Variants in LYPLAL1 observed in about 807,000 individuals in gnomAD.
The protein encoded by LYPLAL1 is lysophospholipase like 1, also known as lysophospholipase-like protein 1.
A neutral mutation model predicts 19.7 loss-of-function variants in LYPLAL1; 23 were observed. The observed-to-expected ratio is 1.17, with a 90% CI of 0.84 to 1.65. The LOEUF is 1.65. Among genes scored for constraint, LYPLAL1 ranks in the 40% most tolerant of loss-of-function variants. The pLI, the probability that LYPLAL1 is intolerant of heterozygous loss-of-function variation, is 0.00. For synonymous variants in LYPLAL1, 119 were observed against 96.3 expected, an observed-to-expected ratio of 1.24 and a Z score of -1.38; for missense variants, 355 against 279.4, an observed-to-expected ratio of 1.27 and a Z score of -1.93.
chr1:219,199,988 A>G (rs1321477028), intron 3 of LYPLAL1: 1 of 233,986 alleles, frequency 4.3e-6, no homozygotes, highest in Non-Finnish European at 9.0e-6. Flanking sequence ...AGACACCTGG[A>G]CAGCTAGCTG....
At chr1:219,255,562 C>A in the LYPLAL1 span, among the ~76,000 whole-genome samples, 1 of 151,816 alleles carries the variant, frequency 6.6e-6, no homozygotes, top group African/African-American at 2.4e-5. Flanking sequence ...AATTTTATTT[C>A]TTCCTCTCCA....
At chr1:219,252,396 A>C in the LYPLAL1 span, among the ~76,000 whole-genome samples, 1 of 152,084 alleles carries the variant, frequency 6.6e-6, no homozygotes. Flanking sequence ...TTGCCCATTC[A>C]GTATAATGTT....
At chr1:219,203,898 A>G (rs1658324658) in intron 3 of LYPLAL1, among the ~76,000 whole-genome samples, 1 of 152,232 alleles carries the variant, frequency 6.6e-6, no homozygotes, top group Non-Finnish European at 1.5e-5. Context: ...GACTTCAGGA[A>G]TACCAGGATG....
the LYPLAL1 span, among the ~76,000 whole-genome samples, chr1:219,246,597 T>C: frequency 6.6e-6 from 1 of 152,196 alleles, no homozygotes; most frequent in Admixed American, 6.5e-5. Flanking sequence ...TACATTGTTT[T>C]TCTCTTGGAG....
the LYPLAL1 span, among the ~76,000 whole-genome samples, chr1:219,282,186 G>A: frequency 6.6e-6 from 1 of 151,942 alleles, no homozygotes; most frequent in African/African-American, 2.4e-5. Context: ...CCATGAGAAA[G>A]GATCAGAAGC....
chr1:219,414,066 C>A, the LYPLAL1 span, among the ~76,000 whole-genome samples: 1 of 152,090 alleles, frequency 6.6e-6, no homozygotes, highest in African/African-American at 2.4e-5. Context: ...TTGTTGAATG[C>A]AGAGGGAAGG....
chr1:219,338,438 C>G, the LYPLAL1 span, among the ~76,000 whole-genome samples: 1 of 151,910 alleles, frequency 6.6e-6, no homozygotes, highest in African/African-American at 2.4e-5. Context: ...TCTGTTGTTG[C>G]TTAAGTCAGT....
At chr1:219,395,529 A>C in the LYPLAL1 span, among the ~76,000 whole-genome samples, 1 of 152,126 alleles carries the variant, frequency 6.6e-6, no homozygotes, top group East Asian at 1.9e-4. Flanking sequence ...CCTCTGTCAA[A>C]TGTATAGTTG....
the LYPLAL1 span, among the ~76,000 whole-genome samples, chr1:219,414,037 C>T: frequency 6.6e-6 from 1 of 152,108 alleles, no homozygotes; most frequent in Non-Finnish European, 1.5e-5. Flanking sequence ...AATATGCCCC[C>T]CAGACACCAC....
chr1:219,438,668 CAG>C, the LYPLAL1 span, among the ~76,000 whole-genome samples: 5 of 152,242 alleles, frequency 3.3e-5, no homozygotes, highest in African/African-American at 9.6e-5. Context: ...TATTGGCAAA[CAG>C]ATAAATTAGA....
the LYPLAL1 span, among the ~76,000 whole-genome samples, chr1:219,345,403 C>T: frequency 7.9e-5 from 12 of 152,184 alleles, no homozygotes; most frequent in Non-Finnish European, 2.9e-5. Context: ...TCTCCTCTCC[C>T]TTACCAGAAA....
chr1:219,416,754 T>C, the LYPLAL1 span, among the ~76,000 whole-genome samples: 2 of 152,266 alleles, frequency 1.3e-5, no homozygotes, highest in South Asian at 4.1e-4. Context: ...ATTGCACTGG[T>C]GTGAGTGCCT....
At chr1:219,380,597 A>ACAGATGC in the LYPLAL1 span, among the ~76,000 whole-genome samples, 1 of 152,218 alleles carries the variant, frequency 6.6e-6, no homozygotes, top group African/African-American at 2.4e-5. Flanking sequence ...AGGTATTTCC[A>ACAGATGC]CAGATGCCGC....
the LYPLAL1 span, among the ~76,000 whole-genome samples, chr1:219,293,753 C>T: frequency 6.6e-6 from 1 of 152,190 alleles, no homozygotes; most frequent in Non-Finnish European, 1.5e-5. Context: ...GCTTAGGTAT[C>T]TTAATACACA....
At chr1:219,266,177 CATTT>C in the LYPLAL1 span, among the ~76,000 whole-genome samples, 1 of 151,954 alleles carries the variant, frequency 6.6e-6, no homozygotes, top group Non-Finnish European at 1.5e-5. Context: ...TTTGTAATGA[CATTT>C]AGTTAAAAAC....
At chr1:219,204,929 A>G (rs540933226) in intron 3 of LYPLAL1, among the ~76,000 whole-genome samples, 22 of 152,286 alleles carry the variant, frequency 1.4e-4, no homozygotes, top group African/African-American at 5.1e-4. Context: ...TTTTGATAAT[A>G]TAAGCATATT....
At chr1:219,230,299 G>GA in the LYPLAL1 span, among the ~76,000 whole-genome samples, 1 of 152,176 alleles carries the variant, frequency 6.6e-6, no homozygotes, top group Non-Finnish European at 1.5e-5. Flanking sequence ...TTTTAGTAGA[G>GA]ACGGGGTTTC....
chr1:219,436,961 A>AT, the LYPLAL1 span: 2 of 152,096 alleles, frequency 1.3e-5, no homozygotes, highest in South Asian at 2.1e-4. Flanking sequence ...CTGTTACACT[A>AT]TTTTTTCTTG....
At chr1:219,189,333 G>A (rs1336471352) in intron 2 of LYPLAL1, among the ~76,000 whole-genome samples, 2 of 151,582 alleles carry the variant, frequency 1.3e-5, no homozygotes, top group African/African-American at 4.8e-5. Context: ...AGTGAGTGTT[G>A]TATTTTTGAT....
Sources: gnomAD v4.1 joint callset for allele counts (sites outside exome capture counted in the v4.1 genomes callset) on GRCh38, gnomAD v4.1.1 for gene constraint, MANE v1.5 for transcripts, NCBI Gene and HGNC (gene_info 2026-07-23, HGNC 2026-07-21) for gene names.